IL16: variants seen among roughly 807,000 people sequenced by gnomAD.
The protein encoded by IL16 is pro-interleukin-16.
IL16 carries 67 observed loss-of-function variants against 110.1 expected under a neutral mutation model. The observed-to-expected ratio is 0.61, with a 90% CI of 0.50 to 0.75. The LOEUF (loss-of-function observed/expected upper bound fraction) is 0.75. Among genes scored for constraint, IL16 ranks in the 30% least tolerant of loss-of-function variants. The pLI is 0.00. For missense variants in IL16, 1,545 were observed against 1,655.0 expected, an observed-to-expected ratio of 0.93 and a Z score of 1.15; for synonymous variants, 689 against 662.9, an observed-to-expected ratio of 1.04 and a Z score of -0.61.
intron 1 of IL16, among the ~76,000 whole-genome samples, chr15:81,183,983 G>T (rs1384219830): frequency 6.6e-6 from 1 of 152,226 alleles, no homozygotes; most frequent in African/African-American, 2.4e-5. Flanking sequence ...TAAGCAGGCT[G>T]CTCCCCTCTT....
intron 2 of IL16, among the ~76,000 whole-genome samples, chr15:81,248,640 A>T: frequency 7.1e-6 from 1 of 141,714 alleles, no homozygotes; most frequent in Non-Finnish European, 1.6e-5. Flanking sequence ...CTTTTTATTG[A>T]TTATATTTTC....
intron 1 of IL16, among the ~76,000 whole-genome samples, chr15:81,197,565 G>A (rs1399671449): frequency 1.3e-5 from 2 of 152,134 alleles, no homozygotes; most frequent in African/African-American, 4.8e-5. Context: ...CTGCTGCCTG[G>A]CCAGACTCCT....
chr15:81,270,799 A>G (rs1898597581), intron 5 of IL16, among the ~76,000 whole-genome samples: 1 of 152,236 alleles, frequency 6.6e-6, no homozygotes, highest in Non-Finnish European at 1.5e-5. Flanking sequence ...GCATTCAATG[A>G]GTAATCTTTA....
intron 1 of IL16, among the ~76,000 whole-genome samples, chr15:81,220,406 C>T (rs1411870737): frequency 6.6e-5 from 10 of 152,164 alleles, no homozygotes; most frequent in Non-Finnish European, 8.8e-5. Context: ...TCACCCACCT[C>T]GGCATCCCAA....
chr15:81,285,801 A>G lies in IL16; in HGVS notation c.1303A>G (p.Ile435Val), dbSNP rs776030815. Reference sequence around the variant, plus strand: ...TCACTGTGATCCCGGTCCAGTCCCCATCATTGTTAGCCGACATCCAGACCC... The same window carrying G: ...TCACTGTGATCCCGGTCCAGTCCCCGTCATTGTTAGCCGACATCCAGACCC... ...LSHCDPGPVP[I>V]IVSRHPDPQV... is the part of the protein sequence containing the mutation. Residue 435 changes from isoleucine (I) to valine (V), a missense_variant, in exon 10 of 19, where the codon ATC (isoleucine) becomes GTC (valine). By Grantham distance (29) the Ile-to-Val change is conservative (BLOSUM62 3). This residue lies in a region of IL16 where 1,185 missense variants were observed against 1,238.8 expected (regional missense o/e 0.96). Coordinates refer to ENST00000683961, the MANE Select transcript of IL16 (RefSeq NM_172217.5). 6.2e-7 allele frequency: 1 copy of G among 1,614,088 alleles called. No homozygotes were observed. Among genetic ancestry groups the G allele is most frequent in the Non-Finnish European group, 8.5e-7 (1 of 1,180,050 alleles).
intron 18 of IL16, among the ~76,000 whole-genome samples, chr15:81,308,392 C>G (rs1161229460): frequency 6.6e-6 from 1 of 152,182 alleles, no homozygotes; most frequent in Non-Finnish European, 1.5e-5. Context: ...CTATCCCTTT[C>G]CAAAGGCCAT....
chr15:81,228,971 C>T (rs183544759), intron 2 of IL16, among the ~76,000 whole-genome samples: 44 of 152,216 alleles, frequency 2.9e-4, no homozygotes, highest in African/African-American at 9.6e-4. Flanking sequence ...ACATTATAGG[C>T]ACTTACATGA....
chr15:81,183,297 C>T (rs759098230), intron 1 of IL16, among the ~76,000 whole-genome samples: 5 of 152,176 alleles, frequency 3.3e-5, no homozygotes, highest in Non-Finnish European at 5.9e-5. Context: ...CCACCAGTTC[C>T]GCTCCAGTTT....
chr15:81,203,160 T>G (rs1257638125), intron 1 of IL16, among the ~76,000 whole-genome samples: 6 of 143,280 alleles, frequency 4.2e-5, no homozygotes, highest in African/African-American at 1.5e-4. Context: ...TCACCCACTT[T>G]TTGATGGGGT....
chr15:81,313,618 C>T lies in IL16; in HGVS notation c.*4820C>T, dbSNP rs1900985062. The stretch of plus-strand genomic sequence containing the variant: ...GTCGGGGATGCATTCCACAGCCTCT[C>T]CCGGCCTCCAGGGAGGAAGAAGTCC... On this transcript the variant is annotated 3_prime_UTR_variant, in exon 19 of 19. Transcript: ENST00000683961. 5.4e-6 allele frequency: 2 copies of T among 369,786 alleles called. No individual in the cohort carries two copies. Among genetic ancestry groups the T allele is most frequent in the East Asian group, 8.3e-5 (2 of 24,042 alleles). 22.9% of individuals were successfully genotyped at this position (369,786 alleles called of 1,614,324 possible). A position where few individuals can be genotyped will look rare whatever the true frequency, so the allele number is the denominator to read the frequency against.
At chr15:81,298,402 C>G (rs1200457351) in intron 13 of IL16, among the ~76,000 whole-genome samples, 1 of 152,208 alleles carries the variant, frequency 6.6e-6, no homozygotes, top group African/African-American at 2.4e-5. Flanking sequence ...AGCCAGGACA[C>G]CCTCTCCCTT....
rs761208055 is a variant in IL16, at chr15:81,279,639, C to G, written c.946C>G (p.Pro316Ala). The change falls in exon 8 of 19, where the codon CCA becomes GCA. Residue 316 changes from proline (P) to alanine (A), a missense_variant. Coordinates refer to ENST00000683961, the MANE Select transcript of IL16 (RefSeq NM_172217.5). Reference sequence around the variant, plus strand: ...TTCCCTGTGCAGCCACCTGTCTCCCCCACTGTGCCGCTCCCTGAGCTCCAG... The same window carrying G: ...TTCCCTGTGCAGCCACCTGTCTCCCGCACTGTGCCGCTCCCTGAGCTCCAG... ...PPSLCSHLSP[P>A]LCRSLSSSTC... 5 of 1,614,116 alleles carry G rather than the reference C, an allele frequency of 3.1e-6. No homozygotes were observed. The highest frequency in any genetic ancestry group is 2.2e-5 in the East Asian group (1 of 44,902).
At chr15:81,236,331 G>A (rs1418482368) in intron 2 of IL16, among the ~76,000 whole-genome samples, 5 of 152,170 alleles carry the variant, frequency 3.3e-5, no homozygotes, top group African/African-American at 4.8e-5. Flanking sequence ...GCAGAAGAGC[G>A]ACTTATGGAT....
At position 81,300,457 on chromosome 15, in the gene IL16, A is replaced by T; in HGVS notation, c.3131A>T (p.Asp1044Val). The change falls in exon 14 of 19, where the codon GAC becomes GTC. Residue 1044 changes from aspartate (D) to valine (V), a missense_variant. Physicochemically the swap from Asp to Val is radical, Grantham distance 152. Around this residue, in one of 3 missense-constraint regions of IL16, gnomAD observed 356 missense variants for 399.3 expected, o/e 0.89. Coordinates refer to ENST00000683961, the MANE Select transcript of IL16 (RefSeq NM_172217.5). ...GGTTCTGCTGAAACATCTGCCTTGGACACAGGGTTCTCGCTCAAGTGAGTT... is the reference window on the plus strand; with the variant it reads ...GGTTCTGCTGAAACATCTGCCTTGGTCACAGGGTTCTCGCTCAAGTGAGTT... ...ANGSAETSAL[D>V]TGFSLNLSEL... The T allele has an allele frequency of 1.2e-6, 2 of 1,612,908 alleles. No individual in the cohort carries two copies. The highest frequency in any genetic ancestry group is 1.1e-5 in the South Asian group (1 of 91,070).
At chr15:81,259,939 A>C in intron 3 of IL16, 59 bp downstream of exon 3, 2 of 1,086,040 alleles carry the variant, frequency 1.8e-6, no homozygotes, top group Non-Finnish European at 2.8e-6. Flanking sequence ...GGATAGCAGG[A>C]CTATTGGGAG....
chr15:81,285,711 A>C lies in IL16; in HGVS notation c.1213A>C (p.Ile405Leu). 6.2e-7 allele frequency: 1 copy of C among 1,614,142 alleles called. No individual in the cohort carries two copies. The highest frequency in any genetic ancestry group is 8.5e-7 in the Non-Finnish European group (1 of 1,180,022). Residue 405 changes from isoleucine to leucine, a missense_variant, in exon 10 of 19, where the codon ATT (isoleucine) becomes CTT (leucine). Physicochemically the swap from Ile to Leu is conservative, Grantham distance 5. This residue lies in a region of IL16 where 1,185 missense variants were observed against 1,238.8 expected (regional missense o/e 0.96). Coordinates refer to ENST00000683961, the MANE Select transcript of IL16 (RefSeq NM_172217.5). ...ATGCTTGCACAGGTGTGGGGACGAG[A>C]TTGTGGAAATCAGTGATTCCCCTGT... is the stretch of plus-strand genomic sequence containing the variant. The part of the protein sequence containing the change: ...LDGRLRCGDE[I>L]VEISDSPVHC...
chr15:81,255,829 C>T (rs1321195284), intron 2 of IL16, among the ~76,000 whole-genome samples: 2 of 152,198 alleles, frequency 1.3e-5, no homozygotes, highest in East Asian at 1.9e-4. Flanking sequence ...ATTGGCTTTA[C>T]AGGCCAGGCA....
rs1900928300 is a variant in IL16 at position 81,312,728 on chromosome 15, G to A, written c.*3930G>A. ...ATTTCCAAGTTGACACCTTTTTTAAGGAAAAATAAATATTTTGCGGCATTA... is the reference window on the plus strand; with the variant it reads ...ATTTCCAAGTTGACACCTTTTTTAAAGAAAAATAAATATTTTGCGGCATTA... On this transcript the variant is annotated 3_prime_UTR_variant, in exon 19 of 19. Transcript: ENST00000683961. 1 of 152,204 alleles carries A rather than the reference G, an allele frequency of 6.6e-6. No homozygotes were observed. The highest frequency in any genetic ancestry group is 6.5e-5 in the Admixed American group (1 of 15,284). The allele number at this position is 152,204 out of a possible 1,614,324, so 9.4% of individuals were successfully genotyped here.
chr15:81,295,584 C>T, intron 12 of IL16: 1 of 1,073,926 alleles, frequency 9.3e-7, no homozygotes, highest in Non-Finnish European at 1.3e-6. Context: ...GATCATCAGG[C>T]CAATATTTGG....
Sources: gnomAD v4.1 joint callset for allele counts (sites outside exome capture counted in the v4.1 genomes callset) on GRCh38, gnomAD v4.1.1 for gene constraint, gnomAD v4.1.1 regional missense constraint, MANE v1.5 for transcripts, NCBI Gene and HGNC (gene_info 2026-07-23, HGNC 2026-07-21) for gene names.